The following ADGRL2 variants were observed in gnomAD, a reference collection of about 807,000 sequenced individuals.
ADGRL2 encodes the protein adhesion G protein-coupled receptor L2, also known as calcium-independent alpha-latrotoxin receptor 2.
A neutral mutation model predicts 157.4 loss-of-function variants in ADGRL2; 44 were observed. That is an observed-to-expected ratio of 0.28 (90% CI 0.22 to 0.36). The LOEUF (loss-of-function observed/expected upper bound fraction) is 0.36, where lower values mean the gene tolerates loss of function less well. Ranked by LOEUF, ADGRL2 falls within the 10% of genes least tolerant of loss-of-function variation. ADGRL2 has a pLI of 1.00. For synonymous variants in ADGRL2, 585 were observed against 624.7 expected (o/e 0.94, Z 0.95); for missense variants, 1,510 against 1,768.9 (o/e 0.85, Z 2.63).
intron 1 of ADGRL2, among the ~76,000 whole-genome samples, chr1:81,729,266 T>C (rs2084642219): frequency 6.6e-6 from 1 of 152,124 alleles, no homozygotes; most frequent in South Asian, 2.1e-4. Flanking sequence ...TTAAGTGTTT[T>C]GCCATTTGTC....
At chr1:81,761,350 A>T (rs2149307092) in intron 1 of ADGRL2, among the ~76,000 whole-genome samples, 1 of 152,078 alleles carries the variant, frequency 6.6e-6, no homozygotes, top group South Asian at 2.1e-4. Flanking sequence ...ACAGAGAGAT[A>T]TGATCTCAGC....
chr1:81,465,678 G>C (rs1010649751), intron 2 of ADGRL2, among the ~76,000 whole-genome samples: 6 of 152,084 alleles, frequency 3.9e-5, no homozygotes, highest in African/African-American at 1.4e-4. Context: ...TAGTGCCTTT[G>C]TGTCACTGAA....
intron 1 of ADGRL2, among the ~76,000 whole-genome samples, chr1:81,439,958 C>G (rs2077477251): frequency 6.6e-6 from 1 of 152,146 alleles, no homozygotes; most frequent in African/African-American, 2.4e-5. Context: ...CTGTCTGTTC[C>G]CCAAAGTCAG....
At chr1:81,382,503 T>C (rs2076360402) in intron 1 of ADGRL2, among the ~76,000 whole-genome samples, 1 of 152,178 alleles carries the variant, frequency 6.6e-6, no homozygotes, top group Non-Finnish European at 1.5e-5. Context: ...TATTTTCAAT[T>C]GCACGCCATT....
intron 2 of ADGRL2, among the ~76,000 whole-genome samples, chr1:81,535,495 G>C (rs1475848614): frequency 6.6e-6 from 1 of 152,038 alleles, no homozygotes; most frequent in African/African-American, 2.4e-5. Context: ...GTTTATCAGA[G>C]ACTAAAAACT....
chr1:81,334,367 A>G (rs1208223879), intron 1 of ADGRL2, among the ~76,000 whole-genome samples: 1 of 152,238 alleles, frequency 6.6e-6, no homozygotes, highest in Non-Finnish European at 1.5e-5. Context: ...ATTATTAACT[A>G]CCATTATAAC....
intron 10 of ADGRL2, 52 bp from the exon 11 acceptor site, chr1:81,955,825 A>G: frequency 8.6e-7 from 1 of 1,167,122 alleles, no homozygotes; most frequent in Non-Finnish European, 1.2e-6. Flanking sequence ...ACTGAAAATC[A>G]CTTTGGTTCT....
At chr1:81,870,638 T>C (rs1483974266) in intron 2 of ADGRL2, among the ~76,000 whole-genome samples, 1 of 152,110 alleles carries the variant, frequency 6.6e-6, no homozygotes, top group East Asian at 1.9e-4. Flanking sequence ...TAAAATGAAA[T>C]TATTTTTTGC....
intron 1 of ADGRL2, among the ~76,000 whole-genome samples, chr1:81,755,964 T>C (rs1242833380): frequency 1.3e-5 from 2 of 152,102 alleles, no homozygotes; most frequent in Non-Finnish European, 2.9e-5. Flanking sequence ...TTAAATTAGG[T>C]TCCTCATTTT....
chr1:81,579,646 T>C (rs948309920), intron 2 of ADGRL2, among the ~76,000 whole-genome samples: 1 of 152,176 alleles, frequency 6.6e-6, no homozygotes, highest in Non-Finnish European at 1.5e-5. Context: ...GCAGCTTTTT[T>C]TCCTTCTGAA....
At chr1:81,762,430 G>A (rs1415607411) in intron 2 of ADGRL2, among the ~76,000 whole-genome samples, 1 of 151,992 alleles carries the variant, frequency 6.6e-6, no homozygotes, top group Non-Finnish European at 1.5e-5. Context: ...ACTTAAACAG[G>A]AAATATTTAG....
At chr1:81,956,115 G>C (rs564862143) in intron 11 of ADGRL2, 55 bp downstream of exon 11, 1 of 1,302,566 alleles carries the variant, frequency 7.7e-7, no homozygotes, top group African/African-American at 1.5e-5. Context: ...ATATGTAAGA[G>C]GATGATGTTT....
intron 2 of ADGRL2, among the ~76,000 whole-genome samples, chr1:81,846,695 T>A (rs2092804508): frequency 6.6e-6 from 1 of 152,026 alleles, no homozygotes; most frequent in Non-Finnish European, 1.5e-5. Context: ...CCCTTACTGA[T>A]TCTTCTTTTT....
Position 81,396,091 on chromosome 1 carries a change from CT to C in ADGRL2, c.-301-48941del, listed in dbSNP as rs142961364. Among the ~76,000 whole-genome samples the C allele has an allele frequency of 7.2e-3, 1,092 of 152,146 alleles. 17 individuals are homozygous for C. Among genetic ancestry groups the C allele is most frequent in the South Asian group, 0.055 (263 of 4,818 alleles). On this transcript the variant is annotated intron_variant, in intron 1 of 24. Coordinates refer to the ADGRL2 transcript ENST00000370721. ...TGCATTGCATTGAATCTATAGATCA[CT>C]TTTGGTTGTATGGTCATTTTTACAA...
chr1:81,824,005 A>G (rs556147488), intron 1 of ADGRL2, among the ~76,000 whole-genome samples: 2 of 152,292 alleles, frequency 1.3e-5, no homozygotes, highest in South Asian at 4.1e-4. Flanking sequence ...TTTAATTACC[A>G]GGATATTATA....
At chr1:81,519,346 C>T (rs1263385550) in intron 2 of ADGRL2, among the ~76,000 whole-genome samples, 3 of 152,052 alleles carry the variant, frequency 2.0e-5, no homozygotes, top group Non-Finnish European at 2.9e-5. Context: ...CTTCCTGACT[C>T]ATATGTAATT....
At chr1:81,490,238 T>G (rs61139474) in intron 2 of ADGRL2, among the ~76,000 whole-genome samples, 22,096 of 151,826 alleles carry the variant, frequency 0.15, 2,973 homozygotes, top group African/African-American at 0.36. Flanking sequence ...TTCAGGCAAT[T>G]CTCCTGCCTC....
At chr1:81,392,787 T>C (rs914940482) in intron 1 of ADGRL2, among the ~76,000 whole-genome samples, 1 of 152,100 alleles carries the variant, frequency 6.6e-6, no homozygotes, top group African/African-American at 2.4e-5. Flanking sequence ...TGGGTAAAAC[T>C]ATATATGTTT....
chr1:81,780,032 C>A (rs2086749900), intron 2 of ADGRL2, among the ~76,000 whole-genome samples: 1 of 152,190 alleles, frequency 6.6e-6, no homozygotes, highest in Admixed American at 6.5e-5. Flanking sequence ...TCGTATCTTT[C>A]CTTCTGACCA....
Sources: allele counts gnomAD v4.1 joint callset (sites outside exome capture counted in the v4.1 genomes callset), GRCh38; gene constraint gnomAD v4.1.1; transcripts MANE v1.5; gene names NCBI Gene and HGNC (gene_info 2026-07-23, HGNC 2026-07-21).